Variants in EBF3 observed in about 807,000 individuals in gnomAD.
EBF3 encodes EBF transcription factor 3, also known as transcription factor COE3.
EBF3 carries 18 observed loss-of-function variants against 77.1 expected under a neutral mutation model. The ratio of observed to expected loss-of-function variants is 0.23; its 90% confidence interval spans 0.16 to 0.35. The LOEUF is 0.35. Ranked by LOEUF, EBF3 falls within the 10% of genes least tolerant of loss-of-function variation. The pLI, the probability that EBF3 is intolerant of heterozygous loss-of-function variation, is 1.00. For missense variants in EBF3, 558 were observed against 860.0 expected (o/e 0.65, Z 4.39); for synonymous variants, 350 against 343.5 (o/e 1.02, Z -0.21).
chr10:129,853,404 C>G (rs922565581), intron 10 of EBF3, among the ~76,000 whole-genome samples: 4 of 152,168 alleles, frequency 2.6e-5, no homozygotes, highest in Non-Finnish European at 5.9e-5. Context: ...TAAATGAGTT[C>G]CAGTTTCATT....
rs764898092 is a variant in EBF3 at position 129,870,984 on chromosome 10, T to A, written c.781+2468A>T. ...GACTTCTTTGTTCTGCCTGCTAAAA[T>A]GTCTTGTAATTGTGCTTGGGATGTC... On this transcript the variant is annotated intron_variant, in intron 8 of 16. Transcript: ENST00000440978. This position sits in a 1 kb window ranked among gnomAD's most constrained non-coding sequence, Gnocchi z 4.4. Among the ~76,000 whole-genome samples, 1 of 152,334 alleles carries A rather than the reference T, an allele frequency of 6.6e-6. No homozygotes were observed. The highest frequency in any genetic ancestry group is 1.9e-4 in the East Asian group (1 of 5,182).
At chr10:129,942,806 T>A (rs1323377606) in intron 6 of EBF3, among the ~76,000 whole-genome samples, 1 of 152,148 alleles carries the variant, frequency 6.6e-6, no homozygotes, top group Non-Finnish European at 1.5e-5. Flanking sequence ...ACAACTGACT[T>A]TTAAAAACCA....
chr10:129,908,846 T>G (rs1589834581), intron 6 of EBF3, among the ~76,000 whole-genome samples: 2 of 152,202 alleles, frequency 1.3e-5, no homozygotes, highest in African/African-American at 2.4e-5. Context: ...ATGCGAGTGA[T>G]CCAGTTTACA....
At chr10:129,953,409 C>T (rs375992802) in intron 6 of EBF3, among the ~76,000 whole-genome samples, 1 of 151,184 alleles carries the variant, frequency 6.6e-6, no homozygotes, top group Non-Finnish European at 1.5e-5. Flanking sequence ...CTCTTCAACC[C>T]CCACCAAAAC....
intron 6 of EBF3, among the ~76,000 whole-genome samples, chr10:129,895,838 G>A (rs1333226268): frequency 2.0e-5 from 3 of 152,180 alleles, no homozygotes; most frequent in Non-Finnish European, 4.4e-5. Flanking sequence ...GCTGACTTTA[G>A]AGTTTGTCAA....
At chr10:129,896,084 A>G (rs1854350663) in intron 6 of EBF3, among the ~76,000 whole-genome samples, 1 of 152,184 alleles carries the variant, frequency 6.6e-6, no homozygotes, top group Admixed American at 6.5e-5. Flanking sequence ...TGACGCATGC[A>G]ATTTCAAACT....
chr10:129,867,084 C>T (rs1852073617), intron 10 of EBF3, 57 bp downstream of exon 10: 1 of 1,581,510 alleles, frequency 6.3e-7, no homozygotes, highest in African/African-American at 1.4e-5. Context: ...ATGAGCACCT[C>T]CTGGTGGGGA....
intron 6 of EBF3, among the ~76,000 whole-genome samples, chr10:129,946,489 A>C (rs958829809): frequency 2.0e-5 from 3 of 152,152 alleles, no homozygotes; most frequent in African/African-American, 7.2e-5. Context: ...TTTTTCCTTA[A>C]AGTTAAATGT....
rs1224918890 is a variant in EBF3 at position 129,840,353 on chromosome 10, C to T, written c.1651G>A (p.Ala551Thr). Residue 551 changes from alanine (A) to threonine (T), a missense_variant, in exon 15 of 17, where the codon GCC becomes ACC. Around this residue, in one of 5 missense-constraint regions of EBF3, gnomAD observed 284 missense variants for 368.3 expected, o/e 0.77. Coordinates refer to ENST00000440978, the MANE Select transcript of EBF3 (RefSeq NM_001375380.1). ...STHGIFSFSP[A>T]NVISAVKQKS... Reference sequence around the variant, plus strand: ...TGTTTCACTGCGGAGATGACATTGGCAGGTGAGAATGAGAAAATGCCGTGT... The same window carrying T: ...TGTTTCACTGCGGAGATGACATTGGTAGGTGAGAATGAGAAAATGCCGTGT... The T allele has an allele frequency of 6.4e-7, 1 of 1,571,846 alleles. No homozygotes were observed. Among genetic ancestry groups the T allele is most frequent in the Non-Finnish European group, 8.6e-7 (1 of 1,157,494 alleles).
intron 6 of EBF3, among the ~76,000 whole-genome samples, chr10:129,911,717 G>A (rs1009570335): frequency 4.6e-5 from 7 of 152,140 alleles, no homozygotes; most frequent in Non-Finnish European, 7.4e-5. Context: ...GCACTGCTAT[G>A]GAAAACAGCA....
intron 6 of EBF3, among the ~76,000 whole-genome samples, 159 bp from the exon 7 acceptor site, chr10:129,878,008 C>T (rs367998884): frequency 4.6e-5 from 7 of 152,066 alleles, no homozygotes; most frequent in African/African-American, 1.7e-4. Context: ...CTGGGAGAGG[C>T]GGCGAGGAGG....
chr10:129,940,168 C>T (rs1464241480), intron 6 of EBF3, among the ~76,000 whole-genome samples: 2 of 152,226 alleles, frequency 1.3e-5, no homozygotes, highest in Non-Finnish European at 2.9e-5. Flanking sequence ...TGCTTCCCTG[C>T]ACAGGCATCC....
intron 15 of EBF3, among the ~76,000 whole-genome samples, chr10:129,839,566 G>A (rs1273982700): frequency 1.3e-5 from 2 of 152,180 alleles, no homozygotes; most frequent in African/African-American, 2.4e-5. Context: ...AAGAGATCAC[G>A]TAGGAAAATC....
At chr10:129,894,510 G>C (rs1206456982) in intron 6 of EBF3, among the ~76,000 whole-genome samples, 1 of 152,160 alleles carries the variant, frequency 6.6e-6, no homozygotes, top group Non-Finnish European at 1.5e-5. Context: ...GGTGACCTAT[G>C]ATCCAGCACC....
chr10:129,865,084 G>A (rs1851905809), intron 10 of EBF3, among the ~76,000 whole-genome samples: 1 of 152,194 alleles, frequency 6.6e-6, no homozygotes, highest in South Asian at 2.1e-4. Flanking sequence ...ACAGCCAGAT[G>A]TGCCAAGGGA....
intron 6 of EBF3, among the ~76,000 whole-genome samples, chr10:129,900,772 C>A (rs1854724662): frequency 6.6e-6 from 1 of 152,266 alleles, no homozygotes; most frequent in Admixed American, 6.5e-5. Context: ...ATACAGATTT[C>A]TTGGCTTTTT....
At chr10:129,959,357 G>A (rs1009959056) in intron 4 of EBF3, among the ~76,000 whole-genome samples, 1 of 151,910 alleles carries the variant, frequency 6.6e-6, no homozygotes, top group African/African-American at 2.4e-5. Context: ...CACCGACCCC[G>A]GAACCCGGGG....
intron 6 of EBF3, among the ~76,000 whole-genome samples, chr10:129,911,222 T>C (rs1180493748): frequency 6.6e-6 from 1 of 152,210 alleles, no homozygotes; most frequent in East Asian, 1.9e-4. Context: ...CCAGGAGCCA[T>C]GGTCCCGGAG....
intron 6 of EBF3, among the ~76,000 whole-genome samples, chr10:129,878,111 A>G (rs1398962337): frequency 5.7e-4 from 86 of 152,166 alleles, no homozygotes; most frequent in Non-Finnish European, 7.3e-5. Flanking sequence ...CGACTTTCGC[A>G]TTGGCATTTC....
Sources: allele counts gnomAD v4.1 joint callset (sites outside exome capture counted in the v4.1 genomes callset), GRCh38; gene constraint gnomAD v4.1.1; regional missense constraint gnomAD v4.1.1; non-coding constraint Gnocchi (gnomAD v3.1); transcripts MANE v1.5; gene names NCBI Gene and HGNC (gene_info 2026-07-23, HGNC 2026-07-21).